Variants in CSH1 observed in about 807,000 individuals in gnomAD.
The protein encoded by CSH1 is chorionic somatomammotropin hormone 1.
Under a neutral mutation model 19.4 loss-of-function variants are expected in CSH1, and 17 were observed. The ratio of observed to expected loss-of-function variants is 0.88; its 90% CI spans 0.60 to 1.31. The LOEUF is 1.31. Ranked by LOEUF, CSH1 falls within the 40% of genes most tolerant of loss-of-function variation. The pLI, the probability that CSH1 is intolerant of heterozygous loss-of-function variation, is 0.00. For synonymous variants in CSH1, 72 were observed against 104.6 expected, an observed-to-expected ratio of 0.69 and a Z score of 1.90; for missense variants, 190 against 243.1, an observed-to-expected ratio of 0.78 and a Z score of 1.45.
chr17:63,894,980 G>A lies in CSH1; in HGVS notation c.*42C>T, dbSNP rs771220398. The A allele has an allele frequency of 2.2e-5, 35 of 1,612,738 alleles. No individual in the cohort carries two copies. The highest frequency in any genetic ancestry group is 5.0e-5 in the Admixed American group (3 of 59,890). On this transcript the variant is annotated 3_prime_UTR_variant, in exon 5 of 5. Transcript: ENST00000316193. ...CACTGGAGTGGCACCTTCAGGGCCA[G>A]GAGAGGCACTGGGGAGGGGTCACAG...
At chr17:63,895,375 A>G in intron 4 of CSH1, 98 bp downstream of exon 4, 1 of 1,612,844 alleles carries the variant, frequency 6.2e-7, no homozygotes, top group South Asian at 1.1e-5. Context: ...CTCTTGGGTC[A>G]GCGCCTTACT....
intron 4 of CSH1, 26 bp from the exon 5 acceptor site, chr17:63,895,245 A>T (rs1251634999): frequency 5.6e-6 from 9 of 1,612,760 alleles, no homozygotes; most frequent in Non-Finnish European, 7.6e-6. Context: ...AGAGAAGGAG[A>T]GGCCAAGCGC....
At chr17:63,895,301 C>T (rs1475993820) in intron 4 of CSH1, 82 bp from the exon 5 acceptor site, 1 of 1,612,780 alleles carries the variant, frequency 6.2e-7, no homozygotes, top group East Asian at 2.2e-5. Flanking sequence ...TTTCCTCCCT[C>T]CCCTTCAGGG....
In CSH1 at chr17:63,896,538, C is replaced by A. The variant is rs1184593343; in HGVS notation, c.-27G>T. On this transcript the variant is annotated 5_prime_UTR_variant, in exon 1 of 5. Transcript: ENST00000316193. ...GCCACTAGGTGAGCTGTCCACAGGA[C>A]CCTGAGTGGTTCGGGGAGTTGGGCC... 1.9e-6 allele frequency: 3 copies of A among 1,613,436 alleles called. No homozygotes were observed. The highest frequency in any genetic ancestry group is 1.1e-5 in the South Asian group (1 of 91,078).
rs1395048995 is a variant in CSH1 at position 63,895,795 on chromosome 17, G to T, written c.227C>A (p.Thr76Asn). 1.1e-5 allele frequency: 7 copies of T among 612,446 alleles called. No homozygotes were observed. In the East Asian group the frequency reaches 2.1e-4, roughly 18 times the overall value. 37.9% of individuals were successfully genotyped at this position (612,446 alleles called of 1,614,324 possible). A position where few individuals can be genotyped will look rare whatever the true frequency, so the allele number is the denominator to read the frequency against. The change falls in exon 3 of 5, where the codon ACC (threonine) becomes AAC (asparagine). Residue 76 changes from threonine to asparagine, a missense_variant. Coordinates refer to ENST00000316193, the MANE Select transcript of CSH1 (RefSeq NM_001317.6). The part of the protein sequence containing the change: ...QKYSFLHDSQ[T>N]SFCFSDSIPT... ...AATAGAGTCTGAGAAGCAGAAGGAG[G>T]TCTGGGAGTCATGCAGGAATGAATA...
intron 1 of CSH1, 71 bp downstream of exon 1, chr17:63,896,431 C>T (rs1444880349): frequency 1.6e-5 from 26 of 1,601,362 alleles, no homozygotes; most frequent in East Asian, 8.9e-5. Context: ...TTAGTGCCCC[C>T]GTCCCATCTA....
intron 1 of CSH1, 66 bp downstream of exon 1, chr17:63,896,436 C>T: frequency 1.2e-6 from 2 of 1,606,838 alleles, no homozygotes; most frequent in South Asian, 1.1e-5. Flanking sequence ...GCCCCCGTCC[C>T]ATCTACAGGG....
rs1440158322 is a variant in CSH1 at position 63,895,365 on chromosome 17, C to A, written c.456+108G>T. 3.1e-6 allele frequency: 5 copies of A among 1,612,860 alleles called. No individual in the cohort carries two copies. In the East Asian group the frequency reaches 1.1e-4, roughly 36 times the overall value. On this transcript the variant is annotated intron_variant, in intron 4 of 4. Coordinates refer to ENST00000316193, the MANE Select transcript of CSH1 (RefSeq NM_001317.6). The stretch of plus-strand genomic sequence containing the variant: ...GGCGAAATGAAGAATAAGGTGAGTT[C>A]TCTTGGGTCAGCGCCTTACTGCTAA...
intron 1 of CSH1, 132 bp from the exon 2 acceptor site, chr17:63,896,367 A>ATT (rs1156560616): frequency 6.3e-7 from 1 of 1,577,896 alleles, no homozygotes; most frequent in East Asian, 2.2e-5. Context: ...GAGATTGGCC[A>ATT]AATATCTGGC....
At chr17:63,896,465 G>A in intron 1 of CSH1, 37 bp downstream of exon 1, 1 of 1,612,258 alleles carries the variant, frequency 6.2e-7, no homozygotes, top group Non-Finnish European at 8.5e-7. Flanking sequence ...CTCCCCTCAG[G>A]ACACGTTGTG....
At position 63,895,533 on chromosome 17, in the gene CSH1, C is replaced by T. The variant is rs759560158; in HGVS notation, c.396G>A (p.Ser132=). 43 of 1,609,030 alleles carry T rather than the reference C, an allele frequency of 2.7e-5. No homozygotes were observed. In the East Asian group the frequency reaches 6.9e-4, roughly 26 times the overall value. ...TTAGGAGGTGATAGTCATCGCTGTC[C>T]GAGGTGTCATACACCAGGTTGTTGG... The part of the protein sequence containing the change: ...MFANNLVYDT[S]DSDDYHLLKD... Residue 132 remains serine (S), a synonymous_variant, in exon 4 of 5, where the codon TCG becomes TCA. Transcript: ENST00000316193.
chr17:63,895,673 G>A (rs755767681), intron 3 of CSH1, 36 bp from the exon 4 acceptor site: 17 of 1,443,454 alleles, frequency 1.2e-5, no homozygotes, highest in Admixed American at 6.8e-5. Context: ...TGTGCTGCCC[G>A]GGAGCCCTGA....
intron 4 of CSH1, 56 bp downstream of exon 4, chr17:63,895,417 C>T: frequency 1.2e-6 from 2 of 1,612,902 alleles, no homozygotes; most frequent in African/African-American, 1.3e-5. Context: ...TTTCTCTCCC[C>T]CAGCCCTCGA....
rs763556250 is a variant in CSH1, at chr17:63,895,138, C to G, written c.538G>C (p.Asp180His). 3.1e-6 allele frequency: 5 copies of G among 1,612,662 alleles called. No individual in the cohort carries two copies. The East Asian group carries it at 8.9e-5, about 29-fold the overall frequency. ...SKFDTNSHNH[D>H]ALLKNYGLLY... The stretch of plus-strand genomic sequence containing the variant: ...AGCCCGTAGTTCTTGAGCAGTGCGT[C>G]ATGGTTGTGCGAGTTTGTGTCAAAC... The change falls in exon 5 of 5, where the codon GAC becomes CAC. Residue 180 changes from aspartate to histidine, a missense_variant. By Grantham distance (81) the Asp-to-His change is moderately conservative. Around this residue, in one of 3 missense-constraint regions of CSH1, gnomAD observed 175 missense variants for 187.2 expected, o/e 0.93. Transcript: ENST00000316193.
rs925452053 is a variant in CSH1, at chr17:63,895,705, G to A, written c.291+26C>T. The A allele has an allele frequency of 1.1e-4, 127 of 1,190,886 alleles. 1 individual carries two copies. In the Middle Eastern group the frequency reaches 1.1e-3, roughly 11 times the overall value. The allele number at this position is 1,190,886 out of a possible 1,614,324, so 73.8% of individuals were successfully genotyped here. ...CTGACCACAGGTCTCCCCCATCCCC[G>A]CCTAGGGGAGACGGCATCCACTCAC... On this transcript the variant is annotated intron_variant, in intron 3 of 4. Coordinates refer to ENST00000316193, the MANE Select transcript of CSH1 (RefSeq NM_001317.6).
At chr17:63,895,443 A>G (rs1424609090) in intron 4 of CSH1, 30 bp downstream of exon 4, 2 of 1,612,794 alleles carry the variant, frequency 1.2e-6, no homozygotes, top group Non-Finnish European at 1.7e-6. Flanking sequence ...GTGGGGTTCC[A>G]GGATTGGTGA....
intron 1 of CSH1, 129 bp from the exon 2 acceptor site, chr17:63,896,364 G>A: frequency 6.3e-7 from 1 of 1,588,940 alleles, no homozygotes. Flanking sequence ...TCAGAGATTG[G>A]CCAAATATCT....
chr17:63,896,408 C>T lies in CSH1; in HGVS notation c.10+94G>A, dbSNP rs1906138951. The T allele has an allele frequency of 8.9e-6, 14 of 1,579,548 alleles. 1 individual carries two copies. The highest frequency in any genetic ancestry group is 1.1e-5 in the Non-Finnish European group (13 of 1,151,958). The stretch of plus-strand genomic sequence containing the variant: ...ATGGCGATACTCACATTCATAAGCC[C>T]CAAACCTGAGGGTTAGTGCCCCCGT... On this transcript the variant is annotated intron_variant, in intron 1 of 4. Coordinates refer to ENST00000316193, the MANE Select transcript of CSH1 (RefSeq NM_001317.6).
Position 63,896,227 on chromosome 17 carries a change from T to C in CSH1, c.19A>G (p.Thr7Ala). The C allele has an allele frequency of 1.3e-6, 2 of 1,493,802 alleles. No homozygotes were observed. The highest frequency in any genetic ancestry group is 1.8e-6 in the Non-Finnish European group (2 of 1,126,642). 92.5% of individuals were successfully genotyped at this position (1,493,802 alleles called of 1,614,324 possible). A position where few individuals can be genotyped will look rare whatever the true frequency, so the allele number is the denominator to read the frequency against. Residue 7 changes from threonine to alanine, a missense_variant, in exon 2 of 5, where the codon ACG (threonine) becomes GCG (alanine). Thr to Ala is a moderately conservative substitution (Grantham distance 58, BLOSUM62 0). Transcript: ENST00000316193. MAPGSR[T>A]SLLLAFALLC... The stretch of plus-strand genomic sequence containing the variant: ...AGGGCAAAAGCCAGGAGCAGGGACG[T>C]CCGGGAGCCTGGGGAGAAACCGGAG...
Sources: gnomAD v4.1 joint callset for allele counts on GRCh38, gnomAD v4.1.1 for gene constraint, gnomAD v4.1.1 regional missense constraint, MANE v1.5 for transcripts, NCBI Gene and HGNC (gene_info 2026-07-23, HGNC 2026-07-21) for gene names.